Variants in TFDP1 observed in about 807,000 individuals in gnomAD.
TFDP1 encodes the protein transcription factor Dp-1.
TFDP1 carries 6 observed loss-of-function variants against 48.0 expected under a neutral mutation model. The observed-to-expected ratio is 0.13, with a 90% confidence interval of 0.07 to 0.25. The LOEUF (loss-of-function observed/expected upper bound fraction) is 0.25. Among genes scored for constraint, TFDP1 ranks in the 10% least tolerant of loss-of-function variants. The pLI is 1.00. For synonymous variants in TFDP1, 201 were observed against 211.6 expected (o/e 0.95, Z 0.44); for missense variants, 335 against 543.0 (o/e 0.62, Z 3.81).
intron 3 of TFDP1, among the ~76,000 whole-genome samples, chr13:113,618,530 A>T (rs1207168373): frequency 6.6e-6 from 1 of 152,098 alleles, no homozygotes; most frequent in Admixed American, 6.6e-5. Context: ...CAAAAACAAC[A>T]ACTACTACTA....
intron 2 of TFDP1, among the ~76,000 whole-genome samples, chr13:113,591,455 T>C (rs1185809670): frequency 1.3e-5 from 2 of 152,208 alleles, no homozygotes; most frequent in East Asian, 3.8e-4. Context: ...TTTTCTTACA[T>C]AATCAGCTCT....
intron 7 of TFDP1, 112 bp from the exon 8 acceptor site, chr13:113,634,422 T>C: frequency 1.1e-6 from 1 of 914,412 alleles, no homozygotes; most frequent in East Asian, 2.4e-5. Flanking sequence ...TCCCTTCGAT[T>C]ACATTCTGGG....
intron 2 of TFDP1, among the ~76,000 whole-genome samples, chr13:113,610,740 CTGTG>C (rs545502899): frequency 6.6e-6 from 1 of 152,202 alleles, no homozygotes; most frequent in Non-Finnish European, 1.5e-5. Context: ...TTTTTCAAGA[CTGTG>C]TGGATTCTGT....
intron 3 of TFDP1, among the ~76,000 whole-genome samples, chr13:113,612,885 C>T (rs949363833): frequency 4.6e-5 from 7 of 152,224 alleles, no homozygotes; most frequent in African/African-American, 9.6e-5. Flanking sequence ...CAGCTCGCCC[C>T]GCGTGCCCCG....
intron 5 of TFDP1, among the ~76,000 whole-genome samples, chr13:113,632,172 A>T: frequency 6.6e-6 from 1 of 152,226 alleles, no homozygotes; most frequent in East Asian, 1.9e-4. Flanking sequence ...GTCCCGCCAG[A>T]GCTGCTCCTT....
chr13:113,610,939 C>G, intron 2 of TFDP1, 57 bp from the exon 3 acceptor site: 1 of 1,545,046 alleles, frequency 6.5e-7, no homozygotes, highest in South Asian at 1.1e-5. Flanking sequence ...TTAAACACCC[C>G]TAGTTTCGTA....
At chr13:113,595,018 C>T (rs2048251869) in intron 2 of TFDP1, among the ~76,000 whole-genome samples, 1 of 152,172 alleles carries the variant, frequency 6.6e-6, no homozygotes, top group East Asian at 1.9e-4. Flanking sequence ...GCTGTACCTT[C>T]TGTTTCTAAT....
intron 8 of TFDP1, among the ~76,000 whole-genome samples, chr13:113,635,682 C>T (rs999759425): frequency 5.3e-5 from 8 of 152,200 alleles, no homozygotes; most frequent in African/African-American, 1.4e-4. Flanking sequence ...AGCAAGGAAT[C>T]GACTTCCAAA....
At position 113,600,241 on chromosome 13, in the gene TFDP1, C is replaced by T. The variant is rs374629099; in HGVS notation, c.13-10755C>T. 2.7e-4 allele frequency among the ~76,000 whole-genome samples: 39 copies of T among 144,432 alleles called. No individual in the cohort carries two copies. The East Asian group carries it at 8.0e-3, about 30-fold the overall frequency. 94.8% of individuals were successfully genotyped at this position (144,432 alleles called of 152,430 possible). On this transcript the variant is annotated intron_variant, in intron 2 of 11. Coordinates refer to ENST00000375370, the MANE Select transcript of TFDP1 (RefSeq NM_007111.5). ...ACCCTCGTGCTTAGGGCTCCAGGAC[C>T]ATGAGAGAGAACCCTCACACATAGG...
At chr13:113,599,796 G>A (rs549616773) in intron 2 of TFDP1, among the ~76,000 whole-genome samples, 12 of 152,080 alleles carry the variant, frequency 7.9e-5, no homozygotes, top group Admixed American at 5.9e-4. Flanking sequence ...CCAGGACTAC[G>A]AGAGAGAACC....
chr13:113,626,781 T>G (rs1295017661), intron 4 of TFDP1, among the ~76,000 whole-genome samples: 2 of 152,198 alleles, frequency 1.3e-5, no homozygotes, highest in African/African-American at 4.8e-5. Context: ...AGTTTTTGTT[T>G]TGCTTGATAA....
Position 113,633,771 on chromosome 13 carries a change from T to G in TFDP1, c.475-119T>G. On this transcript the variant is annotated intron_variant, in intron 6 of 11. Transcript: ENST00000375370. This position sits in a 1 kb window ranked among gnomAD's most constrained non-coding sequence, Gnocchi z 4.5. ...GGGGTGGGAGCGCTCCCTGAGGGCA[T>G]GTTGGGGTGGCGGCTCCGTGAGCGG... 8.0e-7 allele frequency: 1 copy of G among 1,245,680 alleles called. No homozygotes were observed. Among genetic ancestry groups the G allele is most frequent in the Non-Finnish European group, 1.1e-6 (1 of 892,300 alleles). 77.2% of individuals were successfully genotyped at this position (1,245,680 alleles called of 1,614,324 possible).
intron 4 of TFDP1, among the ~76,000 whole-genome samples, chr13:113,625,019 GTGTCCT>G (rs2049099611): frequency 7.2e-6 from 1 of 139,206 alleles, no homozygotes; most frequent in African/African-American, 2.7e-5. Flanking sequence ...TGTCTCTCAC[GTGTCCT>G]CAGGTGTTTC....
At position 113,585,957 on chromosome 13, in the gene TFDP1, T is replaced by G. The variant is rs913447368; in HGVS notation, c.12+108T>G. 11 of 1,294,434 alleles carry G rather than the reference T, an allele frequency of 8.5e-6. No individual in the cohort carries two copies. In the Admixed American group the frequency reaches 1.3e-4, roughly 15 times the overall value. 80.2% of individuals were successfully genotyped at this position (1,294,434 alleles called of 1,614,324 possible). On this transcript the variant is annotated intron_variant, in intron 2 of 11. Transcript: ENST00000375370. Reference sequence around the variant, plus strand: ...ACAACACATAAGCTACAGTAGTGTTTATTTTCAGACTTTTAAAGCGTCTGA... The same window carrying G: ...ACAACACATAAGCTACAGTAGTGTTGATTTTCAGACTTTTAAAGCGTCTGA...
intron 2 of TFDP1, among the ~76,000 whole-genome samples, chr13:113,608,515 G>A (rs977847222): frequency 3.3e-5 from 5 of 152,214 alleles, no homozygotes; most frequent in African/African-American, 9.7e-5. Flanking sequence ...CGCACACGGG[G>A]CTGGAGCATG....
chr13:113,640,214 G>C lies in TFDP1; in HGVS notation c.1180G>C (p.Gly394Arg). 6.2e-7 allele frequency: 1 copy of C among 1,613,290 alleles called. No individual in the cohort carries two copies. The highest frequency in any genetic ancestry group is 8.5e-7 in the Non-Finnish European group (1 of 1,179,620). ...SRVETPVSYV[G>R]EDDEEDDDFN... is the part of the protein sequence containing the mutation. ...GGTGGAGACTCCGGTGTCCTACGTC[G>C]GGGAGGACGACGAGGAGGACGATGA... is the stretch of plus-strand genomic sequence containing the variant. Residue 394 changes from glycine to arginine, a missense_variant, in exon 12 of 12, where the codon GGG becomes CGG. Coordinates refer to ENST00000375370, the MANE Select transcript of TFDP1 (RefSeq NM_007111.5).
chr13:113,628,152 C>T (rs1483383674), intron 4 of TFDP1, among the ~76,000 whole-genome samples: 1 of 150,764 alleles, frequency 6.6e-6, no homozygotes, highest in Non-Finnish European at 1.5e-5. Flanking sequence ...ATGTCTGGAG[C>T]CGTGTAAAGA....
rs1256430891 is a variant in TFDP1, at chr13:113,592,817, C to T, written c.12+6968C>T. On this transcript the variant is annotated intron_variant, in intron 2 of 11. Transcript: ENST00000375370. The stretch of plus-strand genomic sequence containing the variant: ...GGTGTCTGTGGGTCTTCAGCCCTGC[C>T]CAGGTGACAGGTGTGGTGTGTGCTG... 2.0e-5 allele frequency among the ~76,000 whole-genome samples: 3 copies of T among 151,698 alleles called. No individual in the cohort carries two copies. The East Asian group carries it at 5.8e-4, about 29-fold the overall frequency.
At chr13:113,634,253 A>G (rs1166240408) in intron 7 of TFDP1, 10 of 683,938 alleles carry the variant, frequency 1.5e-5, no homozygotes, top group Non-Finnish European at 2.6e-5. Flanking sequence ...ACTCTAGTGT[A>G]GGTTAATTCT....
Sources: gnomAD v4.1 joint callset for allele counts (sites outside exome capture counted in the v4.1 genomes callset) on GRCh38, gnomAD v4.1.1 for gene constraint, Gnocchi (gnomAD v3.1) non-coding constraint, MANE v1.5 for transcripts, NCBI Gene and HGNC (gene_info 2026-07-23, HGNC 2026-07-21) for gene names.